The following GPATCH8 variants were observed in gnomAD, a reference collection of about 807,000 sequenced individuals.
GPATCH8 encodes G patch domain-containing protein 8.
Under a neutral mutation model 118.3 loss-of-function variants are expected in GPATCH8, and 18 were observed. The ratio of observed to expected loss-of-function variants is 0.15; its 90% CI spans 0.11 to 0.23. The LOEUF is 0.23. Among genes scored for constraint, GPATCH8 ranks in the 10% least tolerant of loss-of-function variants. The pLI is 1.00. For missense variants in GPATCH8, 1,631 were observed against 1,873.8 expected, an observed-to-expected ratio of 0.87 and a Z score of 2.39; for synonymous variants, 659 against 684.7, an observed-to-expected ratio of 0.96 and a Z score of 0.59.
intron 6 of GPATCH8, among the ~76,000 whole-genome samples, chr17:44,411,662 G>T (rs905390568): frequency 5.3e-5 from 8 of 152,150 alleles, no homozygotes; most frequent in African/African-American, 1.4e-4. Context: ...TCCCTTTAGG[G>T]TCTAAAGATT....
At chr17:44,453,392 A>G (rs898790007) in intron 3 of GPATCH8, among the ~76,000 whole-genome samples, 2 of 152,114 alleles carry the variant, frequency 1.3e-5, no homozygotes, top group Non-Finnish European at 2.9e-5. Flanking sequence ...GGGGCTTATT[A>G]TAAGATTTAA....
rs201746559 is a variant in GPATCH8, at chr17:44,400,206, C to G, written c.1871G>C (p.Arg624Pro). 2.5e-6 allele frequency: 4 copies of G among 1,614,032 alleles called. No individual in the cohort carries two copies. Among genetic ancestry groups the G allele is most frequent in the Admixed American group, 1.7e-5 (1 of 59,994 alleles). ...TGCGTCCATTCTGCCTCCTGAGGAA[C>G]GTACTATTTTCTCTCCGCCCACTTC... ...SKEVGGEKIV[R>P]SSGGRMDAPA... The change falls in exon 8 of 8, where the codon CGT becomes CCT. Residue 624 changes from arginine to proline, a missense_variant. Transcript: ENST00000591680.
At chr17:44,463,571 T>C (rs1336041416) in intron 3 of GPATCH8, among the ~76,000 whole-genome samples, 2 of 152,112 alleles carry the variant, frequency 1.3e-5, no homozygotes, top group Non-Finnish European at 2.9e-5. Context: ...TTAGTAGAGA[T>C]GGGGTTTCAC....
At chr17:44,423,204 C>T (rs1288212540) in intron 6 of GPATCH8, among the ~76,000 whole-genome samples, 1 of 152,126 alleles carries the variant, frequency 6.6e-6, no homozygotes, top group Non-Finnish European at 1.5e-5. Flanking sequence ...TCCACCACTG[C>T]ACTCCAGCTT....
At chr17:44,429,378 C>T (rs1429205291) in intron 5 of GPATCH8, among the ~76,000 whole-genome samples, 1 of 151,996 alleles carries the variant, frequency 6.6e-6, no homozygotes, top group African/African-American at 2.4e-5. Flanking sequence ...GAAGTTAAGC[C>T]TATGTGTATT....
Position 44,400,624 on chromosome 17 carries a change from CCTT to C in GPATCH8, c.1450_1452del (p.Lys484del). 2 of 1,613,978 alleles carry C rather than the reference CCTT, an allele frequency of 1.2e-6. No homozygotes were observed. The highest frequency in any genetic ancestry group is 8.5e-7 in the Non-Finnish European group (1 of 1,179,862). On this transcript the variant is annotated inframe_deletion, in exon 8 of 8. Coordinates refer to ENST00000591680, the MANE Select transcript of GPATCH8 (RefSeq NM_001002909.4). ...TGATCACTTACATCCCCTCCTAAGG[CCTT>C]CTTTGCCTCAGCTTTGCTTCCTGGT...
Position 44,399,354 on chromosome 17 carries a change from G to A in GPATCH8, c.2723C>T (p.Ser908Phe). Residue 908 changes from serine (S) to phenylalanine (F), a missense_variant, in exon 8 of 8, where the codon TCC (serine) becomes TTC (phenylalanine). Coordinates refer to ENST00000591680, the MANE Select transcript of GPATCH8 (RefSeq NM_001002909.4). ...ATAGTCTGAGTCATCTGAGTCATGG[G>A]AGCGCTTGGAGTGCCTTCGTGATCT... is the stretch of plus-strand genomic sequence containing the variant. ...SDRSRRHSKR[S>F]HDSDDSDYAS... The A allele has an allele frequency of 6.2e-7, 1 of 1,614,172 alleles. No individual in the cohort carries two copies. The highest frequency in any genetic ancestry group is 8.5e-7 in the Non-Finnish European group (1 of 1,179,992).
At chr17:44,499,163 T>C (rs2144504679) in intron 1 of GPATCH8, among the ~76,000 whole-genome samples, 1 of 152,320 alleles carries the variant, frequency 6.6e-6, no homozygotes, top group East Asian at 1.9e-4. Context: ...TAGTTCCTTT[T>C]CATTAGAAAT....
intron 1 of GPATCH8, among the ~76,000 whole-genome samples, chr17:44,494,777 T>C (rs79358219): frequency 0.012 from 1,857 of 152,334 alleles, 33 homozygotes; most frequent in African/African-American, 0.037. Flanking sequence ...AAAGAGGGCT[T>C]TGACTGTCTA....
At chr17:44,448,585 A>G (rs945701133) in intron 3 of GPATCH8, among the ~76,000 whole-genome samples, 2 of 148,858 alleles carry the variant, frequency 1.3e-5, no homozygotes, top group Admixed American at 6.7e-5. Flanking sequence ...AAGAAGAAGA[A>G]GAAGAAGAAG....
chr17:44,403,678 A>G (rs1051518797), intron 7 of GPATCH8, among the ~76,000 whole-genome samples: 1 of 149,604 alleles, frequency 6.7e-6, no homozygotes, highest in Non-Finnish European at 1.5e-5. Flanking sequence ...TATTCAGACA[A>G]TATGTAATCT....
At chr17:44,474,151 G>A (rs1967540000) in intron 2 of GPATCH8, among the ~76,000 whole-genome samples, 1 of 152,076 alleles carries the variant, frequency 6.6e-6, no homozygotes, top group Non-Finnish European at 1.5e-5. Context: ...ACAATAGACT[G>A]TGTTATTTAA....
chr17:44,431,441 G>C (rs1471692643), intron 5 of GPATCH8, among the ~76,000 whole-genome samples: 3 of 148,830 alleles, frequency 2.0e-5, no homozygotes, highest in African/African-American at 7.4e-5. Context: ...TATCTCTAAA[G>C]GAGACAGAAA....
intron 3 of GPATCH8, among the ~76,000 whole-genome samples, chr17:44,441,750 C>T (rs183961956): frequency 1.7e-4 from 23 of 134,350 alleles, no homozygotes; most frequent in East Asian, 1.6e-3. Context: ...ATCAAAAGCC[C>T]GGGCACGGTG....
intron 1 of GPATCH8, among the ~76,000 whole-genome samples, chr17:44,500,263 T>C (rs1969960736): frequency 6.6e-6 from 1 of 152,222 alleles, no homozygotes; most frequent in African/African-American, 2.4e-5. Flanking sequence ...TGTATGTAAT[T>C]GGCTAAGTTA....
At chr17:44,461,908 T>C (rs981650547) in intron 3 of GPATCH8, among the ~76,000 whole-genome samples, 10 of 151,840 alleles carry the variant, frequency 6.6e-5, no homozygotes, top group Middle Eastern at 3.4e-3. Flanking sequence ...CTATGTTGCC[T>C]AGGCTGGTCT....
chr17:44,447,162 T>A (rs184786410), intron 3 of GPATCH8, among the ~76,000 whole-genome samples: 4,225 of 127,792 alleles, frequency 0.033, 186 homozygotes, highest in African/African-American at 0.13. Flanking sequence ...TAAAAAAAAA[T>A]TTTTTTTTTT....
chr17:44,428,497 A>T (rs112377767), intron 5 of GPATCH8, among the ~76,000 whole-genome samples: 15 of 138,452 alleles, frequency 1.1e-4, no homozygotes, highest in Middle Eastern at 4.0e-3. Flanking sequence ...CATCTCAATT[A>T]AAAAAAAAAA....
chr17:44,487,197 C>T (rs1368434559), intron 1 of GPATCH8, among the ~76,000 whole-genome samples: 1 of 152,166 alleles, frequency 6.6e-6, no homozygotes, highest in Non-Finnish European at 1.5e-5. Flanking sequence ...AATCACTGAT[C>T]TTTTTACTGT....
Sources: gnomAD v4.1 joint callset for allele counts (sites outside exome capture counted in the v4.1 genomes callset) on GRCh38, gnomAD v4.1.1 for gene constraint, MANE v1.5 for transcripts, NCBI Gene and HGNC (gene_info 2026-07-23, HGNC 2026-07-21) for gene names.